Variants in BTBD9 observed in about 807,000 individuals in gnomAD.
BTBD9 encodes BTB/POZ domain-containing protein 9.
A neutral mutation model predicts 64.3 loss-of-function variants in BTBD9; 49 were observed. The ratio of observed to expected loss-of-function variants is 0.76; its 90% CI spans 0.61 to 0.97. The LOEUF is 0.97. Among genes scored for constraint, BTBD9 ranks in the 50% least tolerant of loss-of-function variants. The pLI is 0.00. For missense variants in BTBD9, 598 were observed against 762.1 expected (o/e 0.78, Z 2.53); for synonymous variants, 260 against 274.7 (o/e 0.95, Z 0.53).
At chr6:38,335,180 G>C (rs1327457337) in intron 7 of BTBD9, among the ~76,000 whole-genome samples, 1 of 152,038 alleles carries the variant, frequency 6.6e-6, no homozygotes, top group African/African-American at 2.4e-5. Context: ...ATGCACAACT[G>C]TGAATCAATT....
intron 6 of BTBD9, among the ~76,000 whole-genome samples, chr6:38,489,636 G>A (rs1440006628): frequency 6.6e-6 from 1 of 152,180 alleles, no homozygotes; most frequent in East Asian, 1.9e-4. Context: ...TAGAAAGAAT[G>A]TTTTACCTCG....
chr6:38,496,384 T>A (rs1222423204), intron 6 of BTBD9, among the ~76,000 whole-genome samples: 1 of 152,176 alleles, frequency 6.6e-6, no homozygotes, highest in African/African-American at 2.4e-5. Flanking sequence ...GGTTCACACC[T>A]GTAACCATAG....
At chr6:38,278,448 T>A (rs1036104135) in intron 8 of BTBD9, among the ~76,000 whole-genome samples, 6 of 152,236 alleles carry the variant, frequency 3.9e-5, no homozygotes, top group African/African-American at 7.2e-5. Context: ...TTTCTATAAT[T>A]TATGACCACA....
intron 9 of BTBD9, among the ~76,000 whole-genome samples, chr6:38,212,360 G>A (rs981463680): frequency 6.6e-6 from 1 of 152,176 alleles, no homozygotes; most frequent in African/African-American, 2.4e-5. Flanking sequence ...AACAAGCTGG[G>A]CTACTCTGGG....
intron 6 of BTBD9, among the ~76,000 whole-genome samples, chr6:38,375,941 AGG>A (rs879832872): frequency 0.13 from 12,430 of 92,412 alleles, 705 homozygotes; most frequent in East Asian, 0.46. Flanking sequence ...GAAAGAAAGA[AGG>A]AAAGAAGGAA....
intron 6 of BTBD9, among the ~76,000 whole-genome samples, chr6:38,349,439 T>C (rs536102160): frequency 1.3e-5 from 2 of 152,260 alleles, no homozygotes; most frequent in South Asian, 2.1e-4. Context: ...TTGCTTTCTA[T>C]AGTTTCAGTT....
At chr6:38,311,628 C>T (rs1010886560) in intron 7 of BTBD9, among the ~76,000 whole-genome samples, 8 of 152,084 alleles carry the variant, frequency 5.3e-5, no homozygotes, top group Admixed American at 5.2e-4. Flanking sequence ...TATGGTAGCT[C>T]TATTTTTAGT....
rs1284370154 is a variant in BTBD9 at position 38,209,890 on chromosome 6, C to T, written c.1563-17293G>A. Among the ~76,000 whole-genome samples the T allele has an allele frequency of 2.6e-5, 4 of 152,314 alleles. No homozygotes were observed. In the East Asian group the frequency reaches 7.7e-4, roughly 29 times the overall value. On this transcript the variant is annotated intron_variant, in intron 9 of 10. Transcript: ENST00000481247. ...AATGCACTTGCATCTACTGCTCTAACGTAAGCCAATCTTGAGTTTTGCCTT... is the reference window on the plus strand; with the variant it reads ...AATGCACTTGCATCTACTGCTCTAATGTAAGCCAATCTTGAGTTTTGCCTT...
At chr6:38,283,153 T>C (rs1761585477) in intron 8 of BTBD9, among the ~76,000 whole-genome samples, 1 of 152,292 alleles carries the variant, frequency 6.6e-6, no homozygotes, top group Non-Finnish European at 1.5e-5. Flanking sequence ...CTAAGAGGAT[T>C]AGACAGCCAC....
intron 8 of BTBD9, among the ~76,000 whole-genome samples, chr6:38,286,691 A>G (rs1461481736): frequency 3.3e-5 from 5 of 152,214 alleles, no homozygotes; most frequent in Non-Finnish European, 7.3e-5. Flanking sequence ...GTCAAGGACG[A>G]ACTGCATTTA....
chr6:38,444,668 A>C (rs993237911), intron 6 of BTBD9, among the ~76,000 whole-genome samples: 9 of 152,102 alleles, frequency 5.9e-5, no homozygotes, highest in Admixed American at 2.6e-4. Context: ...TGGGGATAAA[A>C]AGGGTACCTT....
chr6:38,278,854 T>C (rs1675140487), intron 8 of BTBD9, among the ~76,000 whole-genome samples: 1 of 151,820 alleles, frequency 6.6e-6, no homozygotes, highest in African/African-American at 2.4e-5. Context: ...CATAATAAGG[T>C]AAAAGGAAGA....
intron 6 of BTBD9, among the ~76,000 whole-genome samples, chr6:38,487,207 T>C (rs369556555): frequency 2.0e-3 from 308 of 152,348 alleles, no homozygotes; most frequent in Non-Finnish European, 3.4e-3. Flanking sequence ...GACAAAATTA[T>C]GTGCTTGTGG....
chr6:38,350,190 C>T (rs958002218), intron 6 of BTBD9, among the ~76,000 whole-genome samples: 1 of 152,168 alleles, frequency 6.6e-6, no homozygotes, highest in African/African-American at 2.4e-5. Context: ...CAGCATAGTA[C>T]TATGACCTAA....
intron 4 of BTBD9, chr6:38,588,578 A>C: frequency 1.9e-6 from 1 of 517,154 alleles, no homozygotes. Flanking sequence ...TTGGCCTCCC[A>C]AAAGACTCCA....
At chr6:38,511,371 C>G (rs571996204) in intron 6 of BTBD9, among the ~76,000 whole-genome samples, 2 of 123,280 alleles carry the variant, frequency 1.6e-5, no homozygotes, top group African/African-American at 6.2e-5. Context: ...GAGACAGGGT[C>G]TCACTCTGTC....
At chr6:38,572,753 G>A (rs1340828985) in intron 6 of BTBD9, among the ~76,000 whole-genome samples, 1 of 144,506 alleles carries the variant, frequency 6.9e-6, no homozygotes, top group Non-Finnish European at 1.5e-5. Flanking sequence ...AAATACTTAA[G>A]ATATAAGGCT....
chr6:38,278,720 T>C (rs1169701989), intron 8 of BTBD9, among the ~76,000 whole-genome samples: 1 of 152,224 alleles, frequency 6.6e-6, no homozygotes, highest in African/African-American at 2.4e-5. Context: ...AAAGAACCAT[T>C]AGCCATTTCT....
intron 9 of BTBD9, among the ~76,000 whole-genome samples, chr6:38,233,045 T>A (rs1763664340): frequency 6.6e-6 from 1 of 152,220 alleles, no homozygotes; most frequent in Non-Finnish European, 1.5e-5. Flanking sequence ...TCTTTCCAGA[T>A]CTGTGGGAGG....
Sources: gnomAD v4.1 joint callset for allele counts (sites outside exome capture counted in the v4.1 genomes callset) on GRCh38, gnomAD v4.1.1 for gene constraint, MANE v1.5 for transcripts, NCBI Gene and HGNC (gene_info 2026-07-23, HGNC 2026-07-21) for gene names.